Variants in CTNNA2 observed in about 807,000 individuals in gnomAD.
The protein encoded by CTNNA2 is catenin alpha 2, also known as catenin alpha-2.
A neutral mutation model predicts 101.0 loss-of-function variants in CTNNA2; 42 were observed. The ratio of observed to expected loss-of-function variants is 0.42; its 90% CI spans 0.32 to 0.54. The LOEUF is 0.54. Ranked by LOEUF, CTNNA2 falls within the 20% of genes least tolerant of loss-of-function variation. The pLI is 0.14. For missense variants in CTNNA2, 871 were observed against 1,223.1 expected (o/e 0.71, Z 4.29); for synonymous variants, 450 against 456.4 (o/e 0.99, Z 0.18).
At chr2:80,233,232 G>C (rs908454702) in intron 7 of CTNNA2, among the ~76,000 whole-genome samples, 2 of 152,044 alleles carry the variant, frequency 1.3e-5, no homozygotes, top group East Asian at 3.9e-4. Context: ...TGCAAAAATT[G>C]TGAATTATTG....
chr2:79,788,989 C>T (rs1168146240), intron 3 of CTNNA2, among the ~76,000 whole-genome samples: 2 of 151,972 alleles, frequency 1.3e-5, no homozygotes, highest in Non-Finnish European at 2.9e-5. Flanking sequence ...TAATGATACA[C>T]CATGTCAGCT....
intron 7 of CTNNA2, among the ~76,000 whole-genome samples, chr2:80,167,563 TG>T (rs1704785239): frequency 6.6e-6 from 1 of 152,224 alleles, no homozygotes; most frequent in Non-Finnish European, 1.5e-5. Flanking sequence ...ATATGGAATT[TG>T]TTTCCCTCAT....
At chr2:80,374,682 C>CGTGTGTGTGT (rs57179557) in intron 7 of CTNNA2, among the ~76,000 whole-genome samples, 20 of 134,028 alleles carry the variant, frequency 1.5e-4, no homozygotes, top group East Asian at 9.0e-4. Flanking sequence ...TGCGTGCGTG[C>CGTGTGTGTGT]GTGTGTGTGT....
intron 7 of CTNNA2, among the ~76,000 whole-genome samples, chr2:80,061,582 A>G (rs978853567): frequency 4.6e-5 from 7 of 152,224 alleles, no homozygotes; most frequent in Non-Finnish European, 2.9e-5. Flanking sequence ...TTCAGCTTCC[A>G]TGGTCATTCT....
chr2:79,662,130 C>T (rs1383907593), intron 2 of CTNNA2, among the ~76,000 whole-genome samples: 8 of 151,774 alleles, frequency 5.3e-5, no homozygotes, highest in African/African-American at 1.2e-4. Context: ...TTGTTTGTAT[C>T]GCCTAATCTT....
intron 3 of CTNNA2, among the ~76,000 whole-genome samples, chr2:79,778,187 C>CA (rs967422313): frequency 8.0e-5 from 12 of 150,120 alleles, no homozygotes; most frequent in Admixed American, 3.3e-4. Context: ...ACTAAAAATA[C>CA]AAAAAAAAAT....
intron 7 of CTNNA2, among the ~76,000 whole-genome samples, chr2:80,362,486 A>T (rs1674505926): frequency 6.6e-6 from 1 of 152,136 alleles, no homozygotes; most frequent in African/African-American, 2.4e-5. Context: ...AAAGGGGAGT[A>T]ATAACACTCT....
chr2:79,964,472 A>G (rs997566721), intron 7 of CTNNA2, among the ~76,000 whole-genome samples: 1 of 152,002 alleles, frequency 6.6e-6, no homozygotes, highest in Non-Finnish European at 1.5e-5. Context: ...TTAGCAACTC[A>G]TGAGAAAAAG....
intron 7 of CTNNA2, among the ~76,000 whole-genome samples, chr2:80,358,899 G>C (rs753111123): frequency 6.6e-6 from 1 of 151,432 alleles, no homozygotes; most frequent in Admixed American, 6.6e-5. Flanking sequence ...ACATGAAGAG[G>C]TTCTTTATAA....
At chr2:79,280,518 G>A (rs1001451700) in intron 2 of CTNNA2, among the ~76,000 whole-genome samples, 3 of 152,008 alleles carry the variant, frequency 2.0e-5, no homozygotes, top group African/African-American at 7.2e-5. Flanking sequence ...CACTAGACCA[G>A]TGATAAGATA....
intron 4 of CTNNA2, among the ~76,000 whole-genome samples, chr2:79,389,579 C>A (rs190177478): frequency 5.7e-4 from 87 of 152,214 alleles, no homozygotes; most frequent in Non-Finnish European, 2.5e-4. Context: ...TAAACAAGGG[C>A]CAATTTATTC....
rs147664920 is a variant in CTNNA2 at position 79,838,540 on chromosome 2, A to G, written c.299-19473A>G. Among the ~76,000 whole-genome samples the G allele has an allele frequency of 3.9e-3, 592 of 152,254 alleles. 1 individual carries two copies. The highest frequency in any genetic ancestry group is 0.013 in the African/African-American group (558 of 41,570). ...GACTAATTATTAGAGGTTTTGATCT[A>G]ACATAAGAACATACTCTGATTAGAC... is the stretch of plus-strand genomic sequence containing the variant. On this transcript the variant is annotated intron_variant, in intron 3 of 18. Transcript: ENST00000402739.
intron 14 of CTNNA2, among the ~76,000 whole-genome samples, chr2:80,588,531 G>A (rs1696166942): frequency 6.6e-6 from 1 of 152,132 alleles, no homozygotes; most frequent in Non-Finnish European, 1.5e-5. Flanking sequence ...TTAGAGAGTA[G>A]GCAAATTGGC....
At chr2:80,382,709 C>G (rs1676630712) in intron 7 of CTNNA2, among the ~76,000 whole-genome samples, 1 of 152,098 alleles carries the variant, frequency 6.6e-6, no homozygotes, top group Non-Finnish European at 1.5e-5. Flanking sequence ...TTAAGGTTAC[C>G]CTCTGCCTGA....
At chr2:79,787,729 A>G (rs1387957893) in intron 3 of CTNNA2, among the ~76,000 whole-genome samples, 1 of 151,740 alleles carries the variant, frequency 6.6e-6, no homozygotes, top group African/African-American at 2.4e-5. Flanking sequence ...CCTTTTTTGC[A>G]ATAGCATCAC....
chr2:79,334,145 T>A (rs1676938194), intron 3 of CTNNA2, among the ~76,000 whole-genome samples: 1 of 152,196 alleles, frequency 6.6e-6, no homozygotes, highest in Non-Finnish European at 1.5e-5. Flanking sequence ...TTGCTAGTTA[T>A]AGTCACTCTA....
intron 15 of CTNNA2, 64 bp from the exon 16 acceptor site, chr2:80,604,010 T>C: frequency 2.2e-6 from 3 of 1,345,848 alleles, no homozygotes; most frequent in Non-Finnish European, 3.2e-6. Flanking sequence ...ACAAAGGATA[T>C]GGTAGGTTGG....
At chr2:79,749,126 C>T (rs191597342) in intron 3 of CTNNA2, among the ~76,000 whole-genome samples, 16 of 152,164 alleles carry the variant, frequency 1.1e-4, no homozygotes, top group South Asian at 2.1e-4. Context: ...CAACCCAAAA[C>T]GGTGCCTCCA....
chr2:80,365,393 A>G (rs1225850012), intron 7 of CTNNA2, among the ~76,000 whole-genome samples: 1 of 152,132 alleles, frequency 6.6e-6, no homozygotes, highest in Non-Finnish European at 1.5e-5. Context: ...CTTATATTTT[A>G]AAGGTTGTAA....
Sources: gnomAD v4.1 joint callset for allele counts (sites outside exome capture counted in the v4.1 genomes callset) on GRCh38, gnomAD v4.1.1 for gene constraint, MANE v1.5 for transcripts, NCBI Gene and HGNC (gene_info 2026-07-23, HGNC 2026-07-21) for gene names.